Variants in PRIM2 observed in about 807,000 individuals in gnomAD.
The protein encoded by PRIM2 is DNA primase subunit 2.
A neutral mutation model predicts 67.3 loss-of-function variants in PRIM2; 39 were observed. The observed-to-expected ratio is 0.58, with a 90% CI of 0.45 to 0.76. PRIM2 has a LOEUF of 0.76. PRIM2 is among the 30% of genes least tolerant of loss of function. The pLI, the probability that PRIM2 is intolerant of heterozygous loss-of-function variation, is 0.00. For missense variants in PRIM2, 398 were observed against 598.7 expected, an observed-to-expected ratio of 0.66 and a Z score of 3.50; for synonymous variants, 143 against 198.7, an observed-to-expected ratio of 0.72 and a Z score of 2.36.
upstream of PRIM2, among the ~76,000 whole-genome samples, chr6:57,314,096 T>A (rs1053138887): frequency 6.6e-6 from 1 of 152,232 alleles, no homozygotes; most frequent in Non-Finnish European, 1.5e-5. Flanking sequence ...CTGGAAGGAA[T>A]GTGTATAATG....
chr6:57,449,260 T>C (rs1207648566), intron 7 of PRIM2, among the ~76,000 whole-genome samples: 1 of 152,112 alleles, frequency 6.6e-6, no homozygotes, highest in Non-Finnish European at 1.5e-5. Flanking sequence ...AGAATTTGAA[T>C]CAAAGAATTA....
At chr6:57,288,225 G>A in the PRIM2 span, among the ~76,000 whole-genome samples, 1 of 152,156 alleles carries the variant, frequency 6.6e-6, no homozygotes, top group African/African-American at 2.4e-5. Context: ...GTGGGGAGGG[G>A]GTGTCTGCCA....
intron 12 of PRIM2, among the ~76,000 whole-genome samples, chr6:57,610,664 A>C (rs1335408749): frequency 1.3e-5 from 2 of 152,016 alleles, no homozygotes; most frequent in Non-Finnish European, 2.9e-5. Context: ...AACACGATAT[A>C]AAAATTATAA....
At chr6:57,434,233 T>A (rs1232502321) in intron 7 of PRIM2, among the ~76,000 whole-genome samples, 2 of 87,528 alleles carry the variant, frequency 2.3e-5, no homozygotes, top group Non-Finnish European at 5.6e-5. Flanking sequence ...ACTTCCTGAG[T>A]TTTTAAATAT....
At chr6:57,417,967 A>C (rs1771324950) in intron 7 of PRIM2, among the ~76,000 whole-genome samples, 1 of 152,242 alleles carries the variant, frequency 6.6e-6, no homozygotes, top group Admixed American at 6.5e-5. Flanking sequence ...CTAATCAATT[A>C]GAGCACAAAG....
At chr6:57,523,610 C>T (rs1193046271) in intron 8 of PRIM2, among the ~76,000 whole-genome samples, 2 of 152,168 alleles carry the variant, frequency 1.3e-5, no homozygotes, top group Non-Finnish European at 2.9e-5. Flanking sequence ...GTCAGTAATG[C>T]CCTGTGGCAT....
the PRIM2 span, among the ~76,000 whole-genome samples, chr6:57,295,743 T>C: frequency 1.2e-4 from 19 of 152,222 alleles, no homozygotes; most frequent in Non-Finnish European, 2.4e-4. Flanking sequence ...CATGAACAGC[T>C]ACACAGGCAC....
chr6:57,561,082 A>G (rs1775617567), intron 10 of PRIM2, among the ~76,000 whole-genome samples: 1 of 152,196 alleles, frequency 6.6e-6, no homozygotes. Context: ...GTTGTTTAGT[A>G]TAGCCACCTT....
chr6:57,586,649 T>C lies in PRIM2; in HGVS notation c.1021-14444T>C, dbSNP rs1157245838. ...GGAAGGTATAGCAAAATAGGAATTC[T>C]GATTTCTCACAGGAATCTTGGAAAT... On this transcript the variant is annotated intron_variant, in intron 10 of 13. Coordinates refer to ENST00000615550, the MANE Select transcript of PRIM2 (RefSeq NM_000947.5). Among the ~76,000 whole-genome samples, 133 of 152,294 alleles carry C rather than the reference T, an allele frequency of 8.7e-4. 1 individual carries two copies. Among genetic ancestry groups the C allele is most frequent in the African/African-American group, 2.8e-3 (117 of 41,552 alleles).
chr6:57,306,087 G>C, the PRIM2 span, among the ~76,000 whole-genome samples: 1 of 152,176 alleles, frequency 6.6e-6, no homozygotes, highest in Non-Finnish European at 1.5e-5. Flanking sequence ...TCCATAGATA[G>C]CACCCAAGAG....
chr6:57,326,199 T>C, intron 5 of PRIM2, 154 bp downstream of exon 5: 1 of 721,320 alleles, frequency 1.4e-6, no homozygotes, highest in East Asian at 3.1e-5. Flanking sequence ...CAATATATCT[T>C]TCCTTCTCTA....
chr6:57,360,977 A>G (rs1425409630), intron 5 of PRIM2, among the ~76,000 whole-genome samples: 1 of 152,128 alleles, frequency 6.6e-6, no homozygotes, highest in Non-Finnish European at 1.5e-5. Flanking sequence ...TCGAATGAAA[A>G]TGGCCACATT....
At chr6:57,333,597 G>A (rs1581798617) in intron 5 of PRIM2, among the ~76,000 whole-genome samples, 1 of 151,952 alleles carries the variant, frequency 6.6e-6, no homozygotes, top group South Asian at 2.1e-4. Context: ...TTTCTTCTAT[G>A]TTCTCTTTTT....
chr6:57,579,430 A>C (rs1776038027), intron 10 of PRIM2, among the ~76,000 whole-genome samples: 1 of 152,146 alleles, frequency 6.6e-6, no homozygotes, highest in African/African-American at 2.4e-5. Context: ...TAGCTTTAAA[A>C]ATTTTATGTA....
chr6:57,307,677 C>T, the PRIM2 span, among the ~76,000 whole-genome samples: 3 of 152,156 alleles, frequency 2.0e-5, no homozygotes, highest in South Asian at 6.2e-4. Flanking sequence ...GGAAAAGGAG[C>T]TGTTACCAGA....
the PRIM2 span, among the ~76,000 whole-genome samples, chr6:57,263,249 ATGGTTATAATAT>A: frequency 4.6e-5 from 7 of 152,210 alleles, no homozygotes; most frequent in African/African-American, 1.7e-4. Context: ...TCTTAGGGCT[ATGGTTATAATAT>A]ACCAAGAATT....
At chr6:57,316,802 G>A (rs1767495200), upstream of PRIM2, among the ~76,000 whole-genome samples, 1 of 152,220 alleles carries the variant, frequency 6.6e-6, no homozygotes, top group South Asian at 2.1e-4. Context: ...TGGAAAGTAA[G>A]CGGCACGTCC....
chr6:57,319,825 A>C (rs1229979581), intron 2 of PRIM2, among the ~76,000 whole-genome samples: 1 of 152,164 alleles, frequency 6.6e-6, no homozygotes, highest in Non-Finnish European at 1.5e-5. Context: ...ATTAATTTGG[A>C]TACCCATACC....
chr6:57,354,039 ACTCTTT>A (rs1210912441), intron 5 of PRIM2, among the ~76,000 whole-genome samples: 14 of 151,750 alleles, frequency 9.2e-5, no homozygotes, highest in African/African-American at 3.1e-4. Flanking sequence ...ATTTTTTTGT[ACTCTTT>A]CTCTTTCTTC....
Sources: gnomAD v4.1 joint callset for allele counts (sites outside exome capture counted in the v4.1 genomes callset) on GRCh38, gnomAD v4.1.1 for gene constraint, MANE v1.5 for transcripts, NCBI Gene and HGNC (gene_info 2026-07-23, HGNC 2026-07-21) for gene names.